SLC28A3: variants seen among roughly 807,000 people sequenced by gnomAD.
SLC28A3 encodes the protein concentrative Na(+)-nucleoside cotransporter 3.
SLC28A3 carries 68 observed loss-of-function variants against 84.2 expected under a neutral mutation model. The observed-to-expected ratio is 0.81, with a 90% CI of 0.66 to 0.99. SLC28A3 has a LOEUF of 0.99. Among genes scored for constraint, SLC28A3 ranks in the 50% least tolerant of loss-of-function variants. The probability of loss-of-function intolerance (pLI) is 0.00; values close to 1 mark genes in which losing one functional copy is unlikely to be tolerated. For missense variants in SLC28A3, 712 were observed against 841.5 expected (o/e 0.85, Z 1.90); for synonymous variants, 267 against 303.6 (o/e 0.88, Z 1.25).
At chr9:84,337,769 T>G (rs920521081) in intron 1 of SLC28A3, among the ~76,000 whole-genome samples, 7 of 152,060 alleles carry the variant, frequency 4.6e-5, no homozygotes, top group South Asian at 2.1e-4. Context: ...AGAAAACGTT[T>G]AGAGGTACAA....
chr9:84,320,074 G>C (rs1191136566), intron 1 of SLC28A3, among the ~76,000 whole-genome samples: 2 of 82,432 alleles, frequency 2.4e-5, no homozygotes, highest in Admixed American at 1.5e-4. Context: ...TTTTGAGACA[G>C]ATTCTCGCTC....
At chr9:84,309,085 T>C (rs1257955193) in intron 3 of SLC28A3, among the ~76,000 whole-genome samples, 1 of 152,204 alleles carries the variant, frequency 6.6e-6, no homozygotes, top group Non-Finnish European at 1.5e-5. Flanking sequence ...TAAATCTGCA[T>C]ATTGGGTTCC....
the SLC28A3 span, among the ~76,000 whole-genome samples, chr9:84,357,656 C>G: frequency 6.6e-6 from 1 of 152,028 alleles, no homozygotes; most frequent in Non-Finnish European, 1.5e-5. Flanking sequence ...CCAGGCAGCA[C>G]TGCCTCCTCA....
the SLC28A3 span, among the ~76,000 whole-genome samples, chr9:84,367,657 A>C: frequency 1.3e-5 from 2 of 152,156 alleles, no homozygotes; most frequent in African/African-American, 4.8e-5. Flanking sequence ...CGGCAAGGGG[A>C]GTGTGGCAGG....
the SLC28A3 span, among the ~76,000 whole-genome samples, chr9:84,361,174 T>C: frequency 6.6e-6 from 1 of 151,924 alleles, no homozygotes. Flanking sequence ...TGAAACCCCG[T>C]CTCTACTAAA....
rs1486578820 is a variant in SLC28A3 at position 84,290,163 on chromosome 9, A to G, written c.1140T>C (p.Ile380=). The change falls in exon 11 of 18, where the codon ATT becomes ATC. Residue 380 remains isoleucine, a synonymous_variant. Transcript: ENST00000376238. ...TCCAAAACATTCTTACCCCAAAAGA[A>G]ATGTATGCACCTAGCACGCTTCCAG... ...TIAGSVLGAY[I]SFGVPSSHLL... is the part of the protein sequence containing the mutation. 3 of 1,613,578 alleles carry G rather than the reference A, an allele frequency of 1.9e-6. No homozygotes were observed. Among genetic ancestry groups the G allele is most frequent in the South Asian group, 1.1e-5 (1 of 91,022 alleles).
intron 13 of SLC28A3, 84 bp from the exon 14 acceptor site, chr9:84,285,626 C>G: frequency 7.3e-7 from 1 of 1,373,136 alleles, no homozygotes; most frequent in South Asian, 1.2e-5. Context: ...TGTTCCTGAC[C>G]CCTCTGTCTC....
At chr9:84,340,821 AG>A, upstream of SLC28A3, 1 of 369,756 alleles carries the variant, frequency 2.7e-6, no homozygotes, top group East Asian at 6.3e-5. Context: ...TGGGGCAGAG[AG>A]GCGGGCGGGT....
intron 14 of SLC28A3, among the ~76,000 whole-genome samples, chr9:84,282,908 G>T (rs1824814798): frequency 6.6e-6 from 1 of 152,118 alleles, no homozygotes; most frequent in Non-Finnish European, 1.5e-5. Context: ...ACTCTCCTTT[G>T]TTGATATTTT....
intron 8 of SLC28A3, among the ~76,000 whole-genome samples, chr9:84,295,446 G>C (rs983887598): frequency 6.6e-6 from 1 of 152,062 alleles, no homozygotes; most frequent in African/African-American, 2.4e-5. Flanking sequence ...TTAGCCAGGC[G>C]TGGTGGCACA....
At position 84,280,843 on chromosome 9, in the gene SLC28A3, A is replaced by G. The variant is rs146066088; in HGVS notation, c.1687T>C (p.Phe563Leu). The G allele has an allele frequency of 4.3e-5, 69 of 1,614,154 alleles. 1 individual carries two copies. In the East Asian group the frequency reaches 1.5e-3, roughly 35 times the overall value. Residue 563 changes from phenylalanine to leucine, a missense_variant, in exon 15 of 18, where the codon TTT becomes CTT. Transcript: ENST00000376238. ...ATTCCTAGGGACCCGATATTGGCAA[A>G]ACCACAGAGAGCGTAAGTGGCGATT... ...EIIATYALCG[F>L]ANIGSLGIVI... is the part of the protein sequence containing the mutation.
intron 2 of SLC28A3, 80 bp downstream of exon 2, chr9:84,313,279 T>G (rs1413156038): frequency 1.6e-6 from 2 of 1,248,386 alleles, no homozygotes; most frequent in Admixed American, 4.1e-5. Flanking sequence ...GCGCCATGCT[T>G]TCTGTGCCCA....
At chr9:84,346,429 A>G in the SLC28A3 span, among the ~76,000 whole-genome samples, 1 of 152,228 alleles carries the variant, frequency 6.6e-6, no homozygotes, top group Non-Finnish European at 1.5e-5. Flanking sequence ...AATTGTGTAG[A>G]ATGCTTGTCC....
At chr9:84,312,480 G>A (rs981110735) in intron 2 of SLC28A3, among the ~76,000 whole-genome samples, 1 of 150,720 alleles carries the variant, frequency 6.6e-6, no homozygotes, top group Non-Finnish European at 1.5e-5. Context: ...TTAAAAAAAA[G>A]TGATTCTTTT....
chr9:84,344,812 G>C (rs570747202), upstream of SLC28A3, among the ~76,000 whole-genome samples: 1 of 152,030 alleles, frequency 6.6e-6, no homozygotes, highest in Non-Finnish European at 1.5e-5. Flanking sequence ...TCCTCCCCTT[G>C]CTTTGAGTTG....
intron 1 of SLC28A3, among the ~76,000 whole-genome samples, chr9:84,339,136 G>T (rs888457363): frequency 7.2e-5 from 11 of 151,910 alleles, no homozygotes; most frequent in Admixed American, 2.6e-4. Flanking sequence ...CTTTTCCTTT[G>T]TCTAGTCATT....
intron 1 of SLC28A3, among the ~76,000 whole-genome samples, chr9:84,318,115 A>G (rs993236328): frequency 6.6e-6 from 1 of 152,168 alleles, no homozygotes; most frequent in African/African-American, 2.4e-5. Context: ...CACTTGGTTC[A>G]TGTAACTTTC....
rs769871743 is a variant in SLC28A3, at chr9:84,305,391, C to T, written c.243-46G>A. 7 of 1,509,050 alleles carry T rather than the reference C, an allele frequency of 4.6e-6. No homozygotes were observed. In the South Asian group the frequency reaches 5.7e-5, roughly 12 times the overall value. The allele number at this position is 1,509,050 out of a possible 1,614,324, so 93.5% of individuals were successfully genotyped here. A position where few individuals can be genotyped will look rare whatever the true frequency, so the allele number is the denominator to read the frequency against. On this transcript the variant is annotated intron_variant, in intron 3 of 17. Transcript: ENST00000376238. Reference sequence around the variant, plus strand: ...GGCAGGGAGAAGTAAACACCAAAAACATGAAATAAACTGCATGGTGAGGCT... The same window carrying T: ...GGCAGGGAGAAGTAAACACCAAAAATATGAAATAAACTGCATGGTGAGGCT...
chr9:84,299,033 T>A (rs1008813120), intron 6 of SLC28A3, among the ~76,000 whole-genome samples: 1 of 152,186 alleles, frequency 6.6e-6, no homozygotes, highest in Non-Finnish European at 1.5e-5. Context: ...TTGCTTTTAA[T>A]GGTAAAGTCT....
Sources: gnomAD v4.1 joint callset for allele counts (sites outside exome capture counted in the v4.1 genomes callset) on GRCh38, gnomAD v4.1.1 for gene constraint, MANE v1.5 for transcripts, NCBI Gene and HGNC (gene_info 2026-07-23, HGNC 2026-07-21) for gene names.